The following HSD17B12 variants were observed in gnomAD, a reference collection of about 807,000 sequenced individuals.
HSD17B12 encodes hydroxysteroid 17-beta dehydrogenase 12.
A neutral mutation model predicts 39.3 loss-of-function variants in HSD17B12; 32 were observed. That is an observed-to-expected ratio of 0.81 (90% CI 0.61 to 1.09). The LOEUF is 1.09. Ranked by LOEUF, HSD17B12 falls within the 50% of genes least tolerant of loss-of-function variation. The pLI, the probability that HSD17B12 is intolerant of heterozygous loss-of-function variation, is 0.00. For synonymous variants in HSD17B12, 150 were observed against 146.7 expected (o/e 1.02, Z -0.16); for missense variants, 342 against 382.9 (o/e 0.89, Z 0.89).
At chr11:43,817,860 G>GT (rs1951144920) in intron 6 of HSD17B12, among the ~76,000 whole-genome samples, 3 of 151,890 alleles carry the variant, frequency 2.0e-5, no homozygotes, top group Admixed American at 2.0e-4. Flanking sequence ...TTTTAGGATT[G>GT]TTTTTTCTAG....
the HSD17B12 span, among the ~76,000 whole-genome samples, chr11:43,567,773 A>G: frequency 3.3e-5 from 5 of 152,202 alleles, no homozygotes; most frequent in Non-Finnish European, 7.3e-5. Context: ...GGGGGTGCCA[A>G]GATAGTGCTA....
intron 1 of HSD17B12, among the ~76,000 whole-genome samples, chr11:43,742,140 T>TATATATATA (rs1554964313): frequency 0.011 from 536 of 50,720 alleles, 3 homozygotes; most frequent in African/African-American, 0.029. Flanking sequence ...TATATATATA[T>TATATATATA]TTTTTTTTTT....
At chr11:43,657,939 G>A in the HSD17B12 span, among the ~76,000 whole-genome samples, 1 of 151,784 alleles carries the variant, frequency 6.6e-6, no homozygotes, top group African/African-American at 2.4e-5. Flanking sequence ...CTGAATGTTG[G>A]CCTGCCTTGC....
At chr11:43,838,261 C>A (rs1951390054) in intron 7 of HSD17B12, 56 bp from the exon 8 acceptor site, 2 of 1,166,720 alleles carry the variant, frequency 1.7e-6, no homozygotes, top group Admixed American at 3.4e-5. Flanking sequence ...CTGTAATTCA[C>A]AAACAACTGC....
the HSD17B12 span, among the ~76,000 whole-genome samples, chr11:43,584,922 A>T: frequency 1.3e-3 from 200 of 152,314 alleles, no homozygotes; most frequent in Non-Finnish European, 1.6e-3. Context: ...CCATCCCCTA[A>T]GCAGGACTTG....
chr11:43,817,292 G>A (rs1021037152), intron 6 of HSD17B12, among the ~76,000 whole-genome samples: 6 of 152,072 alleles, frequency 3.9e-5, no homozygotes, highest in African/African-American at 1.4e-4. Context: ...CACTCTGTGG[G>A]TTGTCTGTTT....
chr11:43,584,982 C>T, the HSD17B12 span, among the ~76,000 whole-genome samples: 3 of 152,288 alleles, frequency 2.0e-5, no homozygotes, highest in East Asian at 5.8e-4. Context: ...GGGGTGTAGG[C>T]CCTATTCAAT....
At chr11:43,686,262 G>T in intron 1 of HSD17B12, among the ~76,000 whole-genome samples, 1 of 152,204 alleles carries the variant, frequency 6.6e-6, no homozygotes, top group Non-Finnish European at 1.5e-5. Context: ...CAGAGGCAGG[G>T]AAGGTGAGGG....
chr11:43,672,112 G>GCA, the HSD17B12 span, among the ~76,000 whole-genome samples: 1 of 152,250 alleles, frequency 6.6e-6, no homozygotes, highest in African/African-American at 2.4e-5. Flanking sequence ...GCAGTGGCAT[G>GCA]ATCTCGGCTC....
chr11:43,749,301 T>C (rs957818408), intron 1 of HSD17B12, among the ~76,000 whole-genome samples: 1 of 152,162 alleles, frequency 6.6e-6, no homozygotes. Flanking sequence ...AATTTTATTA[T>C]GGAACATTTT....
At chr11:43,698,710 G>T (rs546345208) in intron 1 of HSD17B12, among the ~76,000 whole-genome samples, 1 of 152,174 alleles carries the variant, frequency 6.6e-6, no homozygotes, top group Non-Finnish European at 1.5e-5. Context: ...TTGGAAGCGT[G>T]GTAGAAAGTA....
intron 1 of HSD17B12, among the ~76,000 whole-genome samples, chr11:43,695,082 A>ACCC (rs1262756370): frequency 1.3e-5 from 2 of 152,108 alleles, no homozygotes; most frequent in Non-Finnish European, 2.9e-5. Context: ...GCCATTTGGG[A>ACCC]GGCCGAGGCA....
chr11:43,664,865 G>A, the HSD17B12 span, among the ~76,000 whole-genome samples: 1 of 152,120 alleles, frequency 6.6e-6, no homozygotes, highest in Non-Finnish European at 1.5e-5. Context: ...CATGAATAAG[G>A]AATATTCTTG....
At chr11:43,748,885 T>C (rs1460295289) in intron 1 of HSD17B12, among the ~76,000 whole-genome samples, 1 of 152,160 alleles carries the variant, frequency 6.6e-6, no homozygotes, top group East Asian at 1.9e-4. Flanking sequence ...TATATCATGG[T>C]AACTAACTAA....
chr11:43,692,743 A>T (rs1318832787), intron 1 of HSD17B12, among the ~76,000 whole-genome samples: 1 of 152,216 alleles, frequency 6.6e-6, no homozygotes, highest in East Asian at 1.9e-4. Context: ...TGAAATTGTG[A>T]TAAAATAAGT....
At chr11:43,826,485 T>C (rs1486882672) in intron 6 of HSD17B12, among the ~76,000 whole-genome samples, 1 of 152,224 alleles carries the variant, frequency 6.6e-6, no homozygotes, top group African/African-American at 2.4e-5. Context: ...AAGTTCTTTT[T>C]CTTTTGATAA....
At chr11:43,608,097 G>A in the HSD17B12 span, among the ~76,000 whole-genome samples, 50 of 152,126 alleles carry the variant, frequency 3.3e-4, no homozygotes, top group Admixed American at 2.9e-3. Flanking sequence ...GGCCAGGTGC[G>A]GTGGCTCACG....
the HSD17B12 span, among the ~76,000 whole-genome samples, chr11:43,608,689 A>C: frequency 3.9e-5 from 6 of 152,348 alleles, no homozygotes; most frequent in Admixed American, 3.9e-4. Flanking sequence ...AAATTTTCAA[A>C]TTAAAATCTT....
At chr11:43,847,443 G>A (rs1457897884) in intron 9 of HSD17B12, among the ~76,000 whole-genome samples, 2 of 152,060 alleles carry the variant, frequency 1.3e-5, no homozygotes, top group African/African-American at 2.4e-5. Context: ...GGTGGCTCAC[G>A]CCTATAATCC....
Sources: gnomAD v4.1 joint callset for allele counts (sites outside exome capture counted in the v4.1 genomes callset) on GRCh38, gnomAD v4.1.1 for gene constraint, MANE v1.5 for transcripts, NCBI Gene and HGNC (gene_info 2026-07-23, HGNC 2026-07-21) for gene names.